CHODL: variants seen among roughly 807,000 people sequenced by gnomAD.
CHODL encodes the protein chondrolectin.
A neutral mutation model predicts 34.5 loss-of-function variants in CHODL; 29 were observed. The observed-to-expected ratio is 0.84, with a 90% CI of 0.63 to 1.15. The LOEUF is 1.15. Ranked by LOEUF, CHODL falls within the 50% of genes most tolerant of loss-of-function variation. CHODL has a pLI of 0.00. For missense variants in CHODL, 332 were observed against 332.5 expected, an observed-to-expected ratio of 1.00 and a Z score of 0.01; for synonymous variants, 125 against 116.1, an observed-to-expected ratio of 1.08 and a Z score of -0.49.
chr21:18,029,564 A>G (rs2064223255), intron 2 of CHODL, among the ~76,000 whole-genome samples: 1 of 152,136 alleles, frequency 6.6e-6, no homozygotes, highest in Non-Finnish European at 1.5e-5. Flanking sequence ...TTTAACATGT[A>G]TCAGGGATAT....
At chr21:18,070,545 G>T (rs1399400034) in intron 2 of CHODL, among the ~76,000 whole-genome samples, 1 of 152,144 alleles carries the variant, frequency 6.6e-6, no homozygotes, top group East Asian at 1.9e-4. Flanking sequence ...CCTGCCTTTT[G>T]CTCAGCAGGA....
chr21:18,098,794 G>T (rs1258314570), intron 2 of CHODL, among the ~76,000 whole-genome samples: 1 of 151,984 alleles, frequency 6.6e-6, no homozygotes, highest in East Asian at 1.9e-4. Flanking sequence ...TTACAGCACT[G>T]CTCACAGTAG....
At chr21:17,919,084 C>T (rs1159583195) in intron 1 of CHODL, among the ~76,000 whole-genome samples, 1 of 152,208 alleles carries the variant, frequency 6.6e-6, no homozygotes, top group Non-Finnish European at 1.5e-5. Flanking sequence ...AGTCCCGCTC[C>T]TGGCTGCCTT....
In CHODL at chr21:18,208,689, A is replaced by G. The variant is rs183550567; in HGVS notation, c.-44-47820A>G. Among the ~76,000 whole-genome samples, 312 of 152,172 alleles carry G rather than the reference A, an allele frequency of 2.1e-3. 2 individuals are homozygous for G. The highest frequency in any genetic ancestry group is 0.01 in the Middle Eastern group (3 of 294). On this transcript the variant is annotated intron_variant, in intron 2 of 6. Coordinates refer to the CHODL transcript ENST00000400127. ...GGTATTATAATCTATCTTTTTGGTCACTGCAGCCATATCTGCATTAGGAGA... is the reference window on the plus strand; with the variant it reads ...GGTATTATAATCTATCTTTTTGGTCGCTGCAGCCATATCTGCATTAGGAGA...
chr21:18,044,207 G>T (rs1163051063), intron 2 of CHODL, among the ~76,000 whole-genome samples: 2 of 151,938 alleles, frequency 1.3e-5, no homozygotes, highest in Non-Finnish European at 2.9e-5. Flanking sequence ...TCCTTTGCTG[G>T]TAAGAATGAA....
At chr21:18,109,943 T>C (rs1226985423) in intron 2 of CHODL, among the ~76,000 whole-genome samples, 3 of 152,058 alleles carry the variant, frequency 2.0e-5, no homozygotes, top group Non-Finnish European at 4.4e-5. Context: ...ACAGGTACAA[T>C]ATAAAAGGAG....
chr21:18,234,925 A>C (rs2074015401), intron 2 of CHODL, among the ~76,000 whole-genome samples: 1 of 152,152 alleles, frequency 6.6e-6, no homozygotes, highest in Non-Finnish European at 1.5e-5. Flanking sequence ...GATTTTCTTC[A>C]AGTACTAAAT....
chr21:18,017,206 G>A (rs1439254945), intron 1 of CHODL, among the ~76,000 whole-genome samples: 1 of 152,156 alleles, frequency 6.6e-6, no homozygotes, highest in East Asian at 1.9e-4. Context: ...GGGGGCAGGG[G>A]TGGAGTGATA....
chr21:17,964,804 A>T (rs2063558910), intron 1 of CHODL, among the ~76,000 whole-genome samples: 1 of 152,070 alleles, frequency 6.6e-6, no homozygotes, highest in African/African-American at 2.4e-5. Context: ...GGTTTGCTTG[A>T]TCTATTTTGA....
In CHODL at chr21:17,998,448, G is replaced by A. The variant is rs141172630; in HGVS notation, c.-144-29424G>A. Among the ~76,000 whole-genome samples the A allele has an allele frequency of 5.9e-3, 901 of 152,312 alleles. 9 individuals carry two copies. The highest frequency in any genetic ancestry group is 0.015 in the African/African-American group (612 of 41,578). ...CCCTCTTCTCACAGCTCCATTAGGTGGTGCCCCAGTAGGGAACCTGTGTGG... is the reference window on the plus strand; with the variant it reads ...CCCTCTTCTCACAGCTCCATTAGGTAGTGCCCCAGTAGGGAACCTGTGTGG... On this transcript the variant is annotated intron_variant, in intron 1 of 6. Coordinates refer to the CHODL transcript ENST00000400127.
At chr21:18,170,741 C>T (rs2073217558) in intron 2 of CHODL, among the ~76,000 whole-genome samples, 1 of 151,974 alleles carries the variant, frequency 6.6e-6, no homozygotes, top group Non-Finnish European at 1.5e-5. Flanking sequence ...ATTATAAATC[C>T]ACCAAAATAG....
chr21:18,199,578 C>T (rs2073628578), intron 2 of CHODL, among the ~76,000 whole-genome samples: 1 of 151,958 alleles, frequency 6.6e-6, no homozygotes, highest in Admixed American at 6.6e-5. Context: ...CATATATCCA[C>T]CATTACCTAA....
intron 2 of CHODL, among the ~76,000 whole-genome samples, chr21:18,232,996 A>G (rs1289984578): frequency 7.7e-6 from 1 of 130,034 alleles, no homozygotes; most frequent in Non-Finnish European, 1.6e-5. Context: ...CTATCTATCC[A>G]TCTATATATA....
intron 2 of CHODL, among the ~76,000 whole-genome samples, chr21:18,071,779 T>C (rs2064808572): frequency 6.6e-6 from 1 of 152,218 alleles, no homozygotes; most frequent in Admixed American, 6.5e-5. Flanking sequence ...CCATAAATCA[T>C]ACATGCCTAT....
intron 1 of CHODL, among the ~76,000 whole-genome samples, chr21:17,980,754 C>T (rs189357079): frequency 8.9e-4 from 136 of 152,312 alleles, no homozygotes; most frequent in African/African-American, 3.2e-3. Context: ...CCTCACACCT[C>T]ATCCACTCTA....
At chr21:18,103,407 A>C (rs2065238245) in intron 2 of CHODL, among the ~76,000 whole-genome samples, 1 of 152,200 alleles carries the variant, frequency 6.6e-6, no homozygotes, top group African/African-American at 2.4e-5. Context: ...CATTACCTAA[A>C]GGAGCCAATC....
intron 2 of CHODL, among the ~76,000 whole-genome samples, chr21:18,153,090 T>A (rs1568913450): frequency 6.6e-6 from 1 of 152,210 alleles, no homozygotes; most frequent in East Asian, 1.9e-4. Context: ...TAATAAATTA[T>A]AACAAACTCC....
chr21:18,008,994 T>C (rs2063985840), intron 1 of CHODL, among the ~76,000 whole-genome samples: 1 of 152,172 alleles, frequency 6.6e-6, no homozygotes, highest in African/African-American at 2.4e-5. Context: ...CAATACTGGG[T>C]TTCAGATATA....
At chr21:17,923,676 T>C (rs2063201241) in intron 1 of CHODL, among the ~76,000 whole-genome samples, 1 of 152,140 alleles carries the variant, frequency 6.6e-6, no homozygotes, top group Admixed American at 6.5e-5. Flanking sequence ...TTGGTCAGGC[T>C]GGTCTCAAAC....
Sources: gnomAD v4.1 joint callset for allele counts (sites outside exome capture counted in the v4.1 genomes callset) on GRCh38, gnomAD v4.1.1 for gene constraint, MANE v1.5 for transcripts, NCBI Gene and HGNC (gene_info 2026-07-23, HGNC 2026-07-21) for gene names.